Variants in RHOF observed in about 807,000 individuals in gnomAD.
The protein encoded by RHOF is ras homolog family member F, filopodia associated.
In RHOF, 21 loss-of-function variants were observed where a neutral mutation model predicts 22.2. The observed-to-expected ratio is 0.95, with a 90% CI of 0.67 to 1.36. RHOF has a LOEUF of 1.36. Among genes scored for constraint, RHOF ranks in the 40% most tolerant of loss-of-function variants. The pLI is 0.00. For missense variants in RHOF, 285 were observed against 293.7 expected (o/e 0.97, Z 0.22); for synonymous variants, 135 against 131.2 (o/e 1.03, Z -0.20).
At chr12:121,780,058 TTTA>T (rs2137473572) in intron 4 of RHOF, 1 of 169,328 alleles carries the variant, frequency 5.9e-6, no homozygotes, top group African/African-American at 2.4e-5. Context: ...AATTTGCCCT[TTTA>T]TTTATTTATT....
At chr12:121,789,661 G>A (rs940565463) in intron 2 of RHOF, among the ~76,000 whole-genome samples, 5 of 152,150 alleles carry the variant, frequency 3.3e-5, no homozygotes, top group African/African-American at 1.2e-4. Flanking sequence ...GGAGACAGGG[G>A]CTGGGCAGCC....
rs1874444000 is a variant in RHOF, at chr12:121,781,205, A to G, written c.227-13T>C. ...TAGTCTTCTTGCCCTGAAAGCACAGAGCAGCGGGGGTCAGGGGACGTCCCC... is the reference window on the plus strand; with the variant it reads ...TAGTCTTCTTGCCCTGAAAGCACAGGGCAGCGGGGGTCAGGGGACGTCCCC... On this transcript the variant is annotated splice_polypyrimidine_tract_variant and intron_variant, in intron 2 of 4. Coordinates refer to ENST00000267205, the MANE Select transcript of RHOF (RefSeq NM_019034.3). 1 of 1,611,886 alleles carries G rather than the reference A, an allele frequency of 6.2e-7. No individual in the cohort carries two copies. The highest frequency in any genetic ancestry group is 1.3e-5 in the African/African-American group (1 of 74,870).
chr12:121,785,383 GC>G (rs1874579120), intron 2 of RHOF, among the ~76,000 whole-genome samples: 1 of 151,474 alleles, frequency 6.6e-6, no homozygotes, highest in African/African-American at 2.4e-5. Flanking sequence ...ATAAAATGGG[GC>G]CCCCTTGGAC....
At chr12:121,783,634 C>G (rs548606954) in intron 2 of RHOF, among the ~76,000 whole-genome samples, 5 of 152,300 alleles carry the variant, frequency 3.3e-5, no homozygotes, top group East Asian at 1.9e-4. Context: ...AGGCGCCCAC[C>G]ACCACACCCA....
chr12:121,781,070 AG>A lies in RHOF; in HGVS notation c.336+12del. The A allele has an allele frequency of 6.2e-7, 1 of 1,614,090 alleles. No homozygotes were observed. The highest frequency in any genetic ancestry group is 8.5e-7 in the Non-Finnish European group (1 of 1,179,952). ...CCCAGATGTGGGGCCACCACCCAGG[AG>A]GCCGGCCTCACCTTGATGAGGACGT... On this transcript the variant is annotated intron_variant, in intron 3 of 4. Coordinates refer to ENST00000267205, the MANE Select transcript of RHOF (RefSeq NM_019034.3).
At chr12:121,779,842 A>G in intron 4 of RHOF, 180 bp from the exon 5 acceptor site, 1 of 644,714 alleles carries the variant, frequency 1.6e-6, no homozygotes, top group Non-Finnish European at 2.6e-6. Flanking sequence ...GGGCCAGGGC[A>G]GTGCAGCCCG....
intron 2 of RHOF, among the ~76,000 whole-genome samples, chr12:121,786,017 C>T (rs1021484720): frequency 3.3e-5 from 5 of 151,940 alleles, no homozygotes; most frequent in East Asian, 1.9e-4. Flanking sequence ...TGGGTTCACG[C>T]CATTCTTCTG....
intron 2 of RHOF, among the ~76,000 whole-genome samples, chr12:121,786,164 C>T (rs1453161666): frequency 6.6e-6 from 1 of 152,040 alleles, no homozygotes; most frequent in Non-Finnish European, 1.5e-5. Flanking sequence ...TTGTGATCCA[C>T]CCGCCTCGGC....
In RHOF at chr12:121,779,348, A is replaced by T. The variant is rs1243234629; in HGVS notation, c.*150T>A. 1.1e-5 allele frequency: 9 copies of T among 826,648 alleles called. No homozygotes were observed. The highest frequency in any genetic ancestry group is 1.7e-5 in the Non-Finnish European group (9 of 542,608). 51.2% of individuals were successfully genotyped at this position (826,648 alleles called of 1,614,324 possible). A position where few individuals can be genotyped will look rare whatever the true frequency, so the allele number is the denominator to read the frequency against. On this transcript the variant is annotated 3_prime_UTR_variant, in exon 5 of 5. Coordinates refer to ENST00000267205, the MANE Select transcript of RHOF (RefSeq NM_019034.3). Reference sequence around the variant, plus strand: ...TTTGTGGTCAGAGCCCCAGCCAGGAAAGGAGAGAGTTCCAGAATGTTCCAA... The same window carrying T: ...TTTGTGGTCAGAGCCCCAGCCAGGATAGGAGAGAGTTCCAGAATGTTCCAA...
intron 2 of RHOF, chr12:121,781,498 C>A (rs937590777): frequency 3.0e-6 from 1 of 336,056 alleles, no homozygotes; most frequent in Non-Finnish European, 5.7e-6. Flanking sequence ...GAGCGGCAGC[C>A]CCCCAGTCCT....
chr12:121,788,890 G>A (rs1410958100), intron 2 of RHOF, among the ~76,000 whole-genome samples: 1 of 152,124 alleles, frequency 6.6e-6, no homozygotes, highest in Non-Finnish European at 1.5e-5. Flanking sequence ...CTGGCATGGT[G>A]GGTGGTCAGA....
At chr12:121,784,591 T>C (rs1480128744) in intron 2 of RHOF, among the ~76,000 whole-genome samples, 3 of 148,814 alleles carry the variant, frequency 2.0e-5, no homozygotes, top group East Asian at 1.9e-4. Flanking sequence ...CAGCCAGATA[T>C]GGTAGGGAAA....
Position 121,793,528 on chromosome 12 carries a change from G to A in RHOF, c.106C>T (p.Leu36Phe), listed in dbSNP as rs776274227. ...AAGGAGCCCTGGCTGTACACCATGAGCAGCGAGGTCTTGCCGCAGCCGCCG... is the reference window on the plus strand; with the variant it reads ...AAGGAGCCCTGGCTGTACACCATGAACAGCGAGGTCTTGCCGCAGCCGCCG... ...GDGGCGKTSL[L>F]MVYSQGSFPE... The change falls in exon 1 of 5, where the codon CTC (leucine) becomes TTC (phenylalanine). Residue 36 changes from leucine (L) to phenylalanine (F), a missense_variant. Physicochemically the swap from Leu to Phe is conservative, Grantham distance 22. Coordinates refer to ENST00000267205, the MANE Select transcript of RHOF (RefSeq NM_019034.3). 268 of 1,544,142 alleles carry A rather than the reference G, an allele frequency of 1.7e-4. 1 individual carries two copies. The highest frequency in any genetic ancestry group is 2.2e-4 in the Non-Finnish European group (247 of 1,147,182).
At chr12:121,782,560 C>A (rs1874499352) in intron 2 of RHOF, 1 of 152,332 alleles carries the variant, frequency 6.6e-6, no homozygotes, top group Non-Finnish European at 1.5e-5. Flanking sequence ...CCAGCCTGCC[C>A]CCCGTTCCTT....
chr12:121,782,856 C>T (rs1179192779), intron 2 of RHOF: 1 of 152,206 alleles, frequency 6.6e-6, no homozygotes, highest in Non-Finnish European at 1.5e-5. Flanking sequence ...GCTTCCCCAT[C>T]TGGGACATGA....
chr12:121,784,331 G>A (rs1257712149), intron 2 of RHOF, among the ~76,000 whole-genome samples: 1 of 151,846 alleles, frequency 6.6e-6, no homozygotes, highest in Non-Finnish European at 1.5e-5. Flanking sequence ...GGGATCACGA[G>A]GTCAGGATTT....
chr12:121,793,304 C>G, intron 1 of RHOF, 65 bp from the exon 2 acceptor site: 1 of 1,472,724 alleles, frequency 6.8e-7, no homozygotes, highest in South Asian at 1.2e-5. Flanking sequence ...CCAGCTGAAT[C>G]CACTGTCCAC....
At chr12:121,788,537 G>A (rs1020833711) in intron 2 of RHOF, among the ~76,000 whole-genome samples, 2 of 152,158 alleles carry the variant, frequency 1.3e-5, no homozygotes, top group African/African-American at 4.8e-5. Flanking sequence ...TGCCCACTTG[G>A]GGATGGGGGA....
Position 121,793,429 on chromosome 12 carries a change from G to T in RHOF, c.138+67C>A, listed in dbSNP as rs921177092. 4.6e-6 allele frequency: 7 copies of T among 1,524,390 alleles called. 1 individual carries two copies. The South Asian group carries it at 8.4e-5, about 18-fold the overall frequency. The allele number at this position is 1,524,390 out of a possible 1,614,324, so 94.4% of individuals were successfully genotyped here. On this transcript the variant is annotated intron_variant, in intron 1 of 4. Coordinates refer to ENST00000267205, the MANE Select transcript of RHOF (RefSeq NM_019034.3). ...GTGCTCGGGACGCTGGGGACTGAGG[G>T]TCGGGGCTCTGGGCTCAGGGTAAGG...
Sources: allele counts gnomAD v4.1 joint callset (sites outside exome capture counted in the v4.1 genomes callset), GRCh38; gene constraint gnomAD v4.1.1; transcripts MANE v1.5; gene names NCBI Gene and HGNC (gene_info 2026-07-23, HGNC 2026-07-21).